The following MPP1 variants were observed in gnomAD, a reference collection of about 807,000 sequenced individuals.
MPP1 encodes the protein 55 kDa erythrocyte membrane protein.
Under a neutral mutation model 38.2 loss-of-function variants are expected in MPP1, and 6 were observed. The observed-to-expected ratio is 0.16, with a 90% CI of 0.09 to 0.31. The LOEUF is 0.31. Ranked by LOEUF, MPP1 falls within the 10% of genes least tolerant of loss-of-function variation. MPP1 has a pLI of 1.00. For synonymous variants in MPP1, 153 were observed against 146.3 expected (o/e 1.05, Z -0.33); for missense variants, 293 against 368.9 (o/e 0.79, Z 1.69).
chrX:154,803,746 G>A (rs782791083), intron 1 of MPP1, among the ~76,000 whole-genome samples: 64 of 112,328 alleles, frequency 5.7e-4, no homozygotes, highest in African/African-American at 2.0e-3. Context: ...TGTGGTTGTC[G>A]TTACATGACT....
intron 1 of MPP1, among the ~76,000 whole-genome samples, chrX:154,800,182 T>C (rs2148540622): frequency 8.9e-6 from 1 of 112,313 alleles, no homozygotes; most frequent in East Asian, 2.8e-4. Flanking sequence ...GCATGGGCAG[T>C]ATCCTATTCC....
chrX:154,785,222 C>T lies in MPP1; in HGVS notation c.678-65G>A. ...CCTCCCCTCATACCCCCCCCAGCCA[C>T]TCAGTCTCTAATGGCACCCCCTTCA... On this transcript the variant is annotated intron_variant, in intron 6 of 11. Coordinates refer to ENST00000369534, the MANE Select transcript of MPP1 (RefSeq NM_002436.4). The T allele has an allele frequency of 9.7e-6, 8 of 828,280 alleles. No homozygotes were observed. The South Asian group carries it at 1.3e-4, about 13-fold the overall frequency. The allele number at this position is 828,280 out of a possible 1,213,427, so 68.3% of individuals were successfully genotyped here. A position where few individuals can be genotyped will look rare whatever the true frequency, so the allele number is the denominator to read the frequency against.
rs782678603 is a variant in MPP1, at chrX:154,789,967, A to G, written c.467T>C (p.Leu156Pro). 1.7e-6 allele frequency: 2 copies of G among 1,204,165 alleles called. No homozygotes were observed. Among genetic ancestry groups the G allele is most frequent in the South Asian group, 3.5e-5 (2 of 56,346 alleles). The stretch of plus-strand genomic sequence containing the variant: ...GGTGCCACCCACCTGTAGTGCAGGA[A>G]GACGGCTTTGCTGGTTGGGAATTAC... ...LKVIPNQQSR[L>P]PALQMFMRAQ... The change falls in exon 5 of 12, where the codon CTT becomes CCT. Residue 156 changes from leucine to proline, a missense_variant. Coordinates refer to ENST00000369534, the MANE Select transcript of MPP1 (RefSeq NM_002436.4).
intron 9 of MPP1, chrX:154,782,518 G>A (rs374686488): frequency 2.7e-5 from 3 of 111,938 alleles, no homozygotes; most frequent in East Asian, 5.5e-4. Flanking sequence ...TGTGACACTG[G>A]AATAACTCTT....
At chrX:154,780,566 T>G (rs2071979780) in intron 11 of MPP1, among the ~76,000 whole-genome samples, 1 of 111,337 alleles carries the variant, frequency 9.0e-6, no homozygotes, top group South Asian at 3.6e-4. Context: ...TCACAGGTGG[T>G]TGGCGGTCCC....
chrX:154,800,108 G>A (rs1433603154), intron 1 of MPP1, among the ~76,000 whole-genome samples: 1 of 112,491 alleles, frequency 8.9e-6, no homozygotes, highest in African/African-American at 3.2e-5. Flanking sequence ...CCAAGAAGGC[G>A]AGATGATGCC....
At chrX:154,789,854 A>C (rs782274852) in intron 5 of MPP1, 100 bp downstream of exon 5, 2 of 586,051 alleles carry the variant, frequency 3.4e-6, no homozygotes, top group African/African-American at 2.3e-5. Context: ...CTTAGAACTT[A>C]AAGTTAGACT....
intron 1 of MPP1, among the ~76,000 whole-genome samples, chrX:154,802,154 C>T (rs1375749678): frequency 8.9e-6 from 1 of 112,501 alleles, no homozygotes; most frequent in Admixed American, 9.4e-5. Flanking sequence ...GTACCACCTG[C>T]CAGTTACAGC....
At chrX:154,795,429 T>G (rs2072184332) in intron 1 of MPP1, among the ~76,000 whole-genome samples, 1 of 111,498 alleles carries the variant, frequency 9.0e-6, no homozygotes, top group Non-Finnish European at 1.9e-5. Context: ...ACTAGCTTCA[T>G]CATAAACAGT....
At chrX:154,804,783 T>C (rs1163949348) in intron 1 of MPP1, 18 of 340,897 alleles carry the variant, frequency 5.3e-5, no homozygotes, top group Non-Finnish European at 5.3e-5. Flanking sequence ...CACCCGCAAA[T>C]ATACACTGGC....
chrX:154,798,692 T>C (rs1557268355), intron 1 of MPP1, among the ~76,000 whole-genome samples: 1 of 112,004 alleles, frequency 8.9e-6, no homozygotes, highest in African/African-American at 3.2e-5. Context: ...AACAGTTCTC[T>C]ATCTTCATTG....
At position 154,780,851 on chromosome X, in the gene MPP1, CCT is replaced by C. The variant is rs1388746456; in HGVS notation, c.1224+386_1224+387del. 2.7e-5 allele frequency among the ~76,000 whole-genome samples: 3 copies of C among 109,724 alleles called. No individual in the cohort carries two copies. In the East Asian group the frequency reaches 8.6e-4, roughly 31 times the overall value. Reference sequence around the variant, plus strand: ...GGTAGGCTTTTTGATATATTCCTGGCCTCTCTGTCTTTCCCCACAGCCATACT... The same window carrying C: ...GGTAGGCTTTTTGATATATTCCTGGCCTCTGTCTTTCCCCACAGCCATACT... On this transcript the variant is annotated intron_variant, in intron 11 of 11. Coordinates refer to ENST00000369534, the MANE Select transcript of MPP1 (RefSeq NM_002436.4).
chrX:154,801,568 G>A (rs187651416), intron 1 of MPP1, among the ~76,000 whole-genome samples: 14 of 108,622 alleles, frequency 1.3e-4, no homozygotes, highest in African/African-American at 4.0e-4. Context: ...AGACCAGCCC[G>A]GCCAACATGG....
In MPP1 at chrX:154,784,047, C is replaced by T; in HGVS notation, c.846G>A (p.Arg282=). The change falls in exon 8 of 12, where the codon AGG becomes AGA. Residue 282 remains arginine, a synonymous_variant. Coordinates refer to ENST00000369534, the MANE Select transcript of MPP1 (RefSeq NM_002436.4). ...EEVVRLPAFK[R]KTLVLIGASG... ...AGATACCGATCAGCACCAGGGTCTT[C>T]CTCTTGAATGCAGGGAGCCGAACGA... 8.3e-7 allele frequency: 1 copy of T among 1,210,096 alleles called. No individual in the cohort carries two copies. The highest frequency in any genetic ancestry group is 1.1e-6 in the Non-Finnish European group (1 of 894,533).
At chrX:154,789,091 T>A (rs2072112540) in intron 5 of MPP1, among the ~76,000 whole-genome samples, 1 of 112,088 alleles carries the variant, frequency 8.9e-6, no homozygotes, top group African/African-American at 3.2e-5. Flanking sequence ...TGAAAATTCA[T>A]CCAGTTTTAT....
intron 1 of MPP1, among the ~76,000 whole-genome samples, chrX:154,794,330 C>T (rs1473487230): frequency 8.9e-6 from 1 of 111,800 alleles, no homozygotes; most frequent in East Asian, 2.8e-4. Flanking sequence ...TCTCAGTTTG[C>T]TTTGCTGTTC....
At chrX:154,781,423 T>G in intron 10 of MPP1, 110 bp from the exon 11 acceptor site, 4 of 800,042 alleles carry the variant, frequency 5.0e-6, no homozygotes, top group Non-Finnish European at 7.4e-6. Flanking sequence ...TAAGCAGCTT[T>G]GAGCTTTACC....
rs2072138303 is a variant in MPP1, at chrX:154,791,156, C to A, written c.326-88G>T. On this transcript the variant is annotated intron_variant, in intron 3 of 11. Coordinates refer to ENST00000369534, the MANE Select transcript of MPP1 (RefSeq NM_002436.4). The stretch of plus-strand genomic sequence containing the variant: ...AACTCAAGATACCATAGAAGAGAAA[C>A]CAGGATTTACAGCATGTTATGAAAC... 2 of 741,731 alleles carry A rather than the reference C, an allele frequency of 2.7e-6. No homozygotes were observed. The highest frequency in any genetic ancestry group is 2.4e-5 in the South Asian group (1 of 41,300). 61.1% of individuals were successfully genotyped at this position (741,731 alleles called of 1,213,427 possible).
At chrX:154,786,758 T>C (rs1483163676) in intron 5 of MPP1, among the ~76,000 whole-genome samples, 2 of 108,700 alleles carry the variant, frequency 1.8e-5, no homozygotes, top group Middle Eastern at 4.7e-3. Flanking sequence ...TAGCTGGGTG[T>C]GGTGGCGTGC....
Sources: allele counts gnomAD v4.1 joint callset (sites outside exome capture counted in the v4.1 genomes callset), GRCh38; gene constraint gnomAD v4.1.1; transcripts MANE v1.5; gene names NCBI Gene and HGNC (gene_info 2026-07-23, HGNC 2026-07-21).